The following MARK2 variants were observed in gnomAD, a reference collection of about 807,000 sequenced individuals.
The protein encoded by MARK2 is serine/threonine-protein kinase MARK2.
A neutral mutation model predicts 89.8 loss-of-function variants in MARK2; 16 were observed. That is an observed-to-expected ratio of 0.18 (90% CI 0.12 to 0.27). The LOEUF (loss-of-function observed/expected upper bound fraction) is 0.27. MARK2 is among the 10% of genes least tolerant of loss of function. The probability of loss-of-function intolerance (pLI) is 1.00; values close to 1 mark genes in which losing one functional copy is unlikely to be tolerated. For missense variants in MARK2, 621 were observed against 1,049.9 expected (o/e 0.59, Z 5.65); for synonymous variants, 382 against 399.5 (o/e 0.96, Z 0.52).
intron 1 of MARK2, among the ~76,000 whole-genome samples, chr11:63,873,720 G>A (rs1316764266): frequency 2.6e-5 from 4 of 152,004 alleles, no homozygotes; most frequent in East Asian, 1.9e-4. Context: ...ATCTCGGCTC[G>A]CTGCAACCTC....
At chr11:63,892,714 A>ACCAG (rs1939976579) in intron 1 of MARK2, among the ~76,000 whole-genome samples, 2 of 139,148 alleles carry the variant, frequency 1.4e-5, no homozygotes, top group Admixed American at 7.8e-5. Context: ...CAGGAGTTAG[A>ACCAG]CCAGACTCTG....
chr11:63,903,210 G>C lies in MARK2; in HGVS notation c.1514+52G>C. The C allele has an allele frequency of 7.3e-7, 1 of 1,368,416 alleles. No individual in the cohort carries two copies. The allele number at this position is 1,368,416 out of a possible 1,614,324, so 84.8% of individuals were successfully genotyped here. On this transcript the variant is annotated intron_variant, in intron 14 of 18. Transcript: ENST00000402010. The surrounding 1 kb of genome is among the most constrained non-coding windows in gnomAD (Gnocchi z 5.1). ...CACTCCCTAGGAGCCATGTCTCACA[G>C]GGTGATGTCTGTCAGCAGCACCGTC...
chr11:63,902,915 C>A lies in MARK2; in HGVS notation c.1416+133C>A, dbSNP rs1486936. 9 of 1,029,512 alleles carry A rather than the reference C, an allele frequency of 8.7e-6. No homozygotes were observed. The East Asian group carries it at 1.9e-4, about 22-fold the overall frequency. The allele number at this position is 1,029,512 out of a possible 1,614,324, so 63.8% of individuals were successfully genotyped here. ...TTATAGCAGGAAGCCTCGCTCCCAG[C>A]AGTAAATGCAGAATCCTTTCCTTAA... On this transcript the variant is annotated intron_variant, in intron 13 of 18. Coordinates refer to ENST00000402010, the MANE Select transcript of MARK2 (RefSeq NM_001039469.3). This position sits in a 1 kb window ranked among gnomAD's most constrained non-coding sequence, Gnocchi z 4.2.
intron 1 of MARK2, among the ~76,000 whole-genome samples, chr11:63,855,902 T>C (rs1590980106): frequency 6.6e-6 from 1 of 152,240 alleles, no homozygotes; most frequent in East Asian, 1.9e-4. Flanking sequence ...GGTTTTTTAT[T>C]TTAAAAAGAT....
At chr11:63,855,321 C>T (rs929715292) in intron 1 of MARK2, among the ~76,000 whole-genome samples, 2 of 152,086 alleles carry the variant, frequency 1.3e-5, no homozygotes, top group African/African-American at 4.8e-5. Context: ...AAGTTCAAGA[C>T]CAGCCTCTGC....
intron 1 of MARK2, among the ~76,000 whole-genome samples, chr11:63,857,230 G>A (rs1406370686): frequency 2.0e-5 from 3 of 151,970 alleles, no homozygotes; most frequent in Non-Finnish European, 2.9e-5. Flanking sequence ...GTGGTGGCAC[G>A]ATGTTGGCTC....
At chr11:63,868,794 A>T in intron 1 of MARK2, 1 of 456,028 alleles carries the variant, frequency 2.2e-6, no homozygotes, top group South Asian at 1.5e-5. Context: ...AATATTGTCC[A>T]GCGTTGGAGA....
chr11:63,852,417 G>T (rs1187169074), intron 1 of MARK2, among the ~76,000 whole-genome samples: 1 of 152,026 alleles, frequency 6.6e-6, no homozygotes, highest in East Asian at 1.9e-4. Context: ...AAACTTGCTT[G>T]TAAAAACTTT....
rs147484233 is a variant in MARK2 at position 63,907,478 on chromosome 11, A to C, written c.1962-782A>C. On this transcript the variant is annotated intron_variant, in intron 17 of 18. Transcript: ENST00000402010. ...ATATCCTTCCTCCTCTGCAATCCCCAGTTTCCTAGCTCCAGACACCCATCT... is the reference window on the plus strand; with the variant it reads ...ATATCCTTCCTCCTCTGCAATCCCCCGTTTCCTAGCTCCAGACACCCATCT... Among the ~76,000 whole-genome samples the C allele has an allele frequency of 3.9e-4, 60 of 152,206 alleles. No homozygotes were observed. The East Asian group carries it at 0.011, about 27-fold the overall frequency.
In MARK2 at chr11:63,904,693, C is replaced by A; in HGVS notation, c.1677-93C>A. 2 of 1,088,462 alleles carry A rather than the reference C, an allele frequency of 1.8e-6. No individual in the cohort carries two copies. The highest frequency in any genetic ancestry group is 2.7e-5 in the South Asian group (2 of 72,956). 67.4% of individuals were successfully genotyped at this position (1,088,462 alleles called of 1,614,324 possible). On this transcript the variant is annotated intron_variant, in intron 15 of 18. Transcript: ENST00000402010. This position sits in a 1 kb window ranked among gnomAD's most constrained non-coding sequence, Gnocchi z 6.3. Reference sequence around the variant, plus strand: ...ATGGCTGCCTCTGCCCTAGCATCCCCCTCCCTGTCCCCACCACAGGGTGTC... The same window carrying A: ...ATGGCTGCCTCTGCCCTAGCATCCCACTCCCTGTCCCCACCACAGGGTGTC...
At chr11:63,878,359 CTTTTTTTT>C (rs59251368) in intron 1 of MARK2, among the ~76,000 whole-genome samples, 2 of 72,748 alleles carry the variant, frequency 2.7e-5, no homozygotes, top group African/African-American at 1.3e-4. Flanking sequence ...TTGTTCAAGT[CTTTTTTTT>C]TTTTTTTTTT....
chr11:63,856,320 T>G (rs866558869), intron 1 of MARK2, among the ~76,000 whole-genome samples: 7,254 of 126,232 alleles, frequency 0.057, 168 homozygotes, highest in South Asian at 0.14. Context: ...TTTTTTTTTT[T>G]GTTTTTTTTT....
At chr11:63,892,931 G>A (rs1459022345) in intron 1 of MARK2, among the ~76,000 whole-genome samples, 3 of 135,582 alleles carry the variant, frequency 2.2e-5, no homozygotes, top group Non-Finnish European at 3.1e-5. Flanking sequence ...TTTTTGAGAC[G>A]GAGTTTCACT....
intron 1 of MARK2, among the ~76,000 whole-genome samples, chr11:63,840,725 A>AT (rs1191713057): frequency 6.6e-6 from 1 of 151,990 alleles, no homozygotes; most frequent in Non-Finnish European, 1.5e-5. Flanking sequence ...TGTCCTGTGT[A>AT]TCCCCACACC....
rs1217922217 is a variant in MARK2 at position 63,902,794 on chromosome 11, C to G, written c.1416+12C>G. 6.2e-7 allele frequency: 1 copy of G among 1,600,640 alleles called. No individual in the cohort carries two copies. The highest frequency in any genetic ancestry group is 8.5e-7 in the Non-Finnish European group (1 of 1,170,030). Reference sequence around the variant, plus strand: ...CAACCCCCTCCACGGTGAGCCGCACCCCCCGCTCTCTCCTTCCTTCCTGCG... The same window carrying G: ...CAACCCCCTCCACGGTGAGCCGCACGCCCCGCTCTCTCCTTCCTTCCTGCG... On this transcript the variant is annotated intron_variant, in intron 13 of 18. Transcript: ENST00000402010. The surrounding 1 kb of genome is among the most constrained non-coding windows in gnomAD (Gnocchi z 4.2).
chr11:63,909,399 G>T lies in MARK2; in HGVS notation c.*162G>T, dbSNP rs879400899. ...TCTCAGTTTTCTCTTACATGTTTGTGGGGGGTGGGAGATTGTTCTCCAGCA... is the reference window on the plus strand; with the variant it reads ...TCTCAGTTTTCTCTTACATGTTTGTTGGGGGTGGGAGATTGTTCTCCAGCA... On this transcript the variant is annotated 3_prime_UTR_variant, in exon 19 of 19. Coordinates refer to ENST00000402010, the MANE Select transcript of MARK2 (RefSeq NM_001039469.3). The T allele has an allele frequency of 2.0e-4, 140 of 706,814 alleles. No individual in the cohort carries two copies. The highest frequency in any genetic ancestry group is 2.9e-4 in the Non-Finnish European group (134 of 458,446). 43.8% of individuals were successfully genotyped at this position (706,814 alleles called of 1,614,324 possible).
intron 17 of MARK2, among the ~76,000 whole-genome samples, chr11:63,907,556 C>T (rs1318891626): frequency 1.3e-5 from 2 of 152,232 alleles, no homozygotes; most frequent in African/African-American, 4.8e-5. Flanking sequence ...CTTCCCCACC[C>T]ACCCAACCAA....
chr11:63,880,052 A>C (rs11231628), intron 1 of MARK2: 88,268 of 151,828 alleles, frequency 0.58, 26,681 homozygotes, highest in East Asian at 0.89. Context: ...TTAAGGAAAC[A>C]ACATTGGAAA....
intron 1 of MARK2, among the ~76,000 whole-genome samples, chr11:63,846,936 G>A (rs542759887): frequency 2.6e-5 from 4 of 152,290 alleles, no homozygotes; most frequent in East Asian, 3.9e-4. Context: ...GATTACAGGC[G>A]GGAGCCACCG....
Sources: allele counts gnomAD v4.1 joint callset (sites outside exome capture counted in the v4.1 genomes callset), GRCh38; gene constraint gnomAD v4.1.1; non-coding constraint Gnocchi (gnomAD v3.1); transcripts MANE v1.5; gene names NCBI Gene and HGNC (gene_info 2026-07-23, HGNC 2026-07-21).